CCDC170: variants seen among roughly 807,000 people sequenced by gnomAD.
The protein encoded by CCDC170 is coiled-coil domain containing 170, also known as coiled-coil domain-containing protein 170.
Under a neutral mutation model 72.6 loss-of-function variants are expected in CCDC170, and 69 were observed. The ratio of observed to expected loss-of-function variants is 0.95; its 90% confidence interval spans 0.78 to 1.16. The LOEUF is 1.16. CCDC170 is among the 50% of genes most tolerant of loss of function. The pLI is 0.00. For missense variants in CCDC170, 852 were observed against 832.5 expected (o/e 1.02, Z -0.29); for synonymous variants, 300 against 303.9 (o/e 0.99, Z 0.13).
At position 151,538,128 on chromosome 6, in the gene CCDC170, C is replaced by T. The variant is rs925382176; in HGVS notation, c.270C>T (p.Asn90=). ...CTGAAATGGAGAGCTACAAGGAAAA[C>T]AATGCCAGAAAATCATCTCTCCTTA... is the stretch of plus-strand genomic sequence containing the variant. ...LKAEMESYKE[N]NARKSSLLTS... Residue 90 remains asparagine (N), a synonymous_variant, in exon 3 of 11, where the codon AAC becomes AAT. Coordinates refer to ENST00000239374, the MANE Select transcript of CCDC170 (RefSeq NM_025059.4). The T allele has an allele frequency of 1.9e-6, 3 of 1,613,400 alleles. No homozygotes were observed. In the African/African-American group the frequency reaches 4.0e-5, roughly 22 times the overall value.
Position 151,572,649 on chromosome 6 carries a change from G to GT in CCDC170, c.775-505dup, listed in dbSNP as rs1213267537. ...TTTATATTTTATATCCCTTCTCTGT[G>GT]TTTTTTTTTTTTTTTTTTTTGATGG... On this transcript the variant is annotated intron_variant, in intron 5 of 10. Coordinates refer to ENST00000239374, the MANE Select transcript of CCDC170 (RefSeq NM_025059.4). Among the ~76,000 whole-genome samples the GT allele has an allele frequency of 1.8e-3, 68 of 37,974 alleles. 3 individuals are homozygous for GT. Among genetic ancestry groups the GT allele is most frequent in the Non-Finnish European group, 2.7e-3 (56 of 20,606 alleles). 24.9% of individuals were successfully genotyped at this position (37,974 alleles called of 152,430 possible). A position where few individuals can be genotyped will look rare whatever the true frequency, so the allele number is the denominator to read the frequency against.
intron 3 of CCDC170, among the ~76,000 whole-genome samples, chr6:151,543,358 TG>T (rs1349210358): frequency 6.6e-6 from 1 of 152,190 alleles, no homozygotes; most frequent in African/African-American, 2.4e-5. Flanking sequence ...TTATGGGATA[TG>T]GAGTGATATT....
At chr6:151,582,677 C>A (rs1431063023) in intron 6 of CCDC170, among the ~76,000 whole-genome samples, 1 of 152,104 alleles carries the variant, frequency 6.6e-6, no homozygotes, top group Non-Finnish European at 1.5e-5. Flanking sequence ...CTACTTCTGG[C>A]AATGAACCTC....
Position 151,544,610 on chromosome 6 carries a change from T to C in CCDC170, c.482T>C (p.Val161Ala). The change falls in exon 4 of 11, where the codon GTT becomes GCT. Residue 161 changes from valine to alanine, a missense_variant. Transcript: ENST00000239374. The part of the protein sequence containing the change: ...SKENEENKKQ[V>A]SKNCRKHEEF... Reference sequence around the variant, plus strand: ...GAAAATGAGGAGAATAAGAAACAAGTTTCAAAGAATTGCAGGAAACATGAG... The same window carrying C: ...GAAAATGAGGAGAATAAGAAACAAGCTTCAAAGAATTGCAGGAAACATGAG... 1 of 1,613,358 alleles carries C rather than the reference T, an allele frequency of 6.2e-7. No individual in the cohort carries two copies. The highest frequency in any genetic ancestry group is 1.1e-5 in the South Asian group (1 of 91,052).
At chr6:151,520,170 A>G (rs1782296792) in intron 1 of CCDC170, among the ~76,000 whole-genome samples, 1 of 152,218 alleles carries the variant, frequency 6.6e-6, no homozygotes, top group South Asian at 2.1e-4. Flanking sequence ...GGTCCTGAGT[A>G]GGGGAGGGAG....
chr6:151,524,002 A>T (rs1420167678), intron 1 of CCDC170, among the ~76,000 whole-genome samples: 1 of 152,192 alleles, frequency 6.6e-6, no homozygotes, highest in African/African-American at 2.4e-5. Flanking sequence ...GGGAGAGGGG[A>T]TCCAGAAGAG....
intron 1 of CCDC170, among the ~76,000 whole-genome samples, chr6:151,529,893 A>C (rs1782470208): frequency 6.6e-6 from 1 of 151,998 alleles, no homozygotes; most frequent in East Asian, 1.9e-4. Context: ...GTGTCTGGTG[A>C]GGGTCATCCC....
chr6:151,612,673 C>T (rs1776893009), intron 9 of CCDC170, among the ~76,000 whole-genome samples: 1 of 152,080 alleles, frequency 6.6e-6, no homozygotes, highest in African/African-American at 2.4e-5. Flanking sequence ...TGACAATCTC[C>T]CCCTTTACCC....
At chr6:151,524,929 CTTTTTTTTTT>C (rs34288029) in intron 1 of CCDC170, among the ~76,000 whole-genome samples, 2 of 110,042 alleles carry the variant, frequency 1.8e-5, no homozygotes, top group South Asian at 3.1e-4. Context: ...TAGTCTGATT[CTTTTTTTTTT>C]TTTTTTTTTT....
chr6:151,599,449 C>A (rs1776671764), intron 9 of CCDC170, among the ~76,000 whole-genome samples: 1 of 152,100 alleles, frequency 6.6e-6, no homozygotes. Flanking sequence ...ACAGTCAATG[C>A]AATAATAGGT....
chr6:151,577,034 C>T (rs902609910), intron 6 of CCDC170, among the ~76,000 whole-genome samples: 2 of 152,180 alleles, frequency 1.3e-5, no homozygotes, highest in Non-Finnish European at 2.9e-5. Flanking sequence ...ACACCACCCA[C>T]ACTTTTACAG....
intron 1 of CCDC170, among the ~76,000 whole-genome samples, chr6:151,496,345 G>T (rs1345877958): frequency 6.8e-6 from 1 of 147,924 alleles, no homozygotes; most frequent in Non-Finnish European, 1.5e-5. Flanking sequence ...GATTCGGATA[G>T]AAATTTTTAG....
chr6:151,497,783 CTGGCTAACA>C (rs1341691990), intron 1 of CCDC170, among the ~76,000 whole-genome samples: 2 of 151,802 alleles, frequency 1.3e-5, no homozygotes, highest in Admixed American at 1.3e-4. Context: ...CGAGACCATC[CTGGCTAACA>C]TGGTAAAACC....
chr6:151,572,979 T>A (rs1276704769), intron 5 of CCDC170, among the ~76,000 whole-genome samples, 195 bp from the exon 6 acceptor site: 1 of 152,004 alleles, frequency 6.6e-6, no homozygotes, highest in African/African-American at 2.4e-5. Flanking sequence ...GACACCTAAA[T>A]TTTCCTGACA....
intron 3 of CCDC170, among the ~76,000 whole-genome samples, chr6:151,540,373 C>CTTT (rs779650559): frequency 0.03 from 1,127 of 37,858 alleles, 313 homozygotes; most frequent in East Asian, 0.043. Flanking sequence ...TCTGCTGCTG[C>CTTT]TTTTTTTTTT....
chr6:151,544,472 T>C, intron 3 of CCDC170, 100 bp from the exon 4 acceptor site: 2 of 1,148,440 alleles, frequency 1.7e-6, no homozygotes, highest in South Asian at 3.3e-5. Flanking sequence ...GTGTTGAAAA[T>C]GACAATTATT....
chr6:151,542,525 T>C (rs1169755794), intron 3 of CCDC170, among the ~76,000 whole-genome samples: 1 of 152,252 alleles, frequency 6.6e-6, no homozygotes, highest in Non-Finnish European at 1.5e-5. Flanking sequence ...CCAAGCCTAG[T>C]ACATAATTTT....
intron 1 of CCDC170, among the ~76,000 whole-genome samples, chr6:151,519,546 A>T (rs1782287695): frequency 6.6e-6 from 1 of 152,212 alleles, no homozygotes; most frequent in African/African-American, 2.4e-5. Context: ...AGTTAAGAGG[A>T]TTGAGAGATT....
chr6:151,508,381 T>A (rs923828130), intron 1 of CCDC170, among the ~76,000 whole-genome samples: 1 of 151,806 alleles, frequency 6.6e-6, no homozygotes, highest in African/African-American at 2.4e-5. Context: ...CTCCTAAAAA[T>A]ACAAAATTAG....
Sources: allele counts gnomAD v4.1 joint callset (sites outside exome capture counted in the v4.1 genomes callset), GRCh38; gene constraint gnomAD v4.1.1; transcripts MANE v1.5; gene names NCBI Gene and HGNC (gene_info 2026-07-23, HGNC 2026-07-21).